Variants in CNKSR2 observed in about 807,000 individuals in gnomAD.
CNKSR2 encodes the protein connector enhancer of kinase suppressor of Ras 2, also known as CNK homolog protein 2.
A neutral mutation model predicts 84.4 loss-of-function variants in CNKSR2; 14 were observed. The observed-to-expected ratio is 0.17, with a 90% CI of 0.11 to 0.26. CNKSR2 has a LOEUF of 0.26. Ranked by LOEUF, CNKSR2 falls within the 10% of genes least tolerant of loss-of-function variation. The pLI is 1.00. For missense variants in CNKSR2, 485 were observed against 771.2 expected (o/e 0.63, Z 4.40); for synonymous variants, 275 against 277.9 (o/e 0.99, Z 0.10).
chrX:21,537,163 A>G (rs1368502675), intron 11 of CNKSR2, among the ~76,000 whole-genome samples: 2 of 111,184 alleles, frequency 1.8e-5, no homozygotes, highest in Admixed American at 1.9e-4. Flanking sequence ...TAACTTCCAT[A>G]TAATCGTACA....
In CNKSR2 at chrX:21,490,696, A is replaced by AT. The variant is rs953087740; in HGVS notation, c.681+125dup. ...TTCAACAGACACTGAACATTTTGGT[A>AT]TTTTTTTCCTGGAGGAGTTATGGTA... On this transcript the variant is annotated intron_variant, in intron 6 of 21. Coordinates refer to ENST00000379510, the MANE Select transcript of CNKSR2 (RefSeq NM_014927.5). The AT allele has an allele frequency of 9.4e-5, 73 of 776,539 alleles. 1 individual carries two copies. The highest frequency in any genetic ancestry group is 8.4e-4 in the South Asian group (18 of 21,423). 64.0% of individuals were successfully genotyped at this position (776,539 alleles called of 1,213,427 possible).
chrX:21,399,312 C>G (rs764783889), intron 1 of CNKSR2, among the ~76,000 whole-genome samples: 16 of 110,975 alleles, frequency 1.4e-4, no homozygotes, highest in Admixed American at 9.6e-5. Flanking sequence ...AATCCAATGG[C>G]TACTTTCTGA....
At chrX:21,651,834 C>T (rs1206575321) in intron 21 of CNKSR2, among the ~76,000 whole-genome samples, 1 of 111,941 alleles carries the variant, frequency 8.9e-6, no homozygotes, top group Non-Finnish European at 1.9e-5. Context: ...TTTGTGGTAA[C>T]AGGGGGGCCA....
rs1436648172 is a variant in CNKSR2 at position 21,591,146 on chromosome X, T to C, written c.1782T>C (p.Tyr594=). ...ACTTTTCACAGAAATGGAAAAAATA[T>C]TGGTTTGTCCTAAAGGATGCATCCC... is the stretch of plus-strand genomic sequence containing the variant. ...KSYFSQKWKK[Y]WFVLKDASLY... Residue 594 remains tyrosine, a synonymous_variant, in exon 15 of 22, where the codon TAT becomes TAC. Transcript: ENST00000379510. The C allele has an allele frequency of 3.3e-6, 4 of 1,207,740 alleles. No individual in the cohort carries two copies. Among genetic ancestry groups the C allele is most frequent in the South Asian group, 3.5e-5 (2 of 56,653 alleles).
chrX:21,555,928 C>T (rs747180341), intron 11 of CNKSR2, among the ~76,000 whole-genome samples: 1 of 110,701 alleles, frequency 9.0e-6, no homozygotes, highest in East Asian at 2.8e-4. Context: ...AGTGGTGTTT[C>T]AACAGACAAC....
intron 8 of CNKSR2, among the ~76,000 whole-genome samples, chrX:21,513,429 G>T (rs1264293589): frequency 8.9e-6 from 1 of 112,145 alleles, no homozygotes; most frequent in Non-Finnish European, 1.9e-5. Flanking sequence ...GGAATGTATT[G>T]TGACTGAAAG....
At chrX:21,628,679 G>T (rs919807978) in intron 20 of CNKSR2, among the ~76,000 whole-genome samples, 1 of 111,185 alleles carries the variant, frequency 9.0e-6, no homozygotes, top group Non-Finnish European at 1.9e-5. Context: ...TGGAGTGGCT[G>T]GGACACAGGG....
chrX:21,381,726 G>A (rs987502326), intron 1 of CNKSR2, among the ~76,000 whole-genome samples: 7 of 111,996 alleles, frequency 6.3e-5, no homozygotes, highest in African/African-American at 2.3e-4. Flanking sequence ...CTGCCTCACC[G>A]TCCTTCCTGT....
At chrX:21,573,766 G>A (rs2092300451) in intron 13 of CNKSR2, among the ~76,000 whole-genome samples, 1 of 111,522 alleles carries the variant, frequency 9.0e-6, no homozygotes, top group African/African-American at 3.3e-5. Flanking sequence ...CTCCCAGCTT[G>A]TGACATGAGG....
At chrX:21,429,667 G>T (rs974729573) in intron 2 of CNKSR2, 1 of 111,464 alleles carries the variant, frequency 9.0e-6, no homozygotes, top group Non-Finnish European at 1.9e-5. Context: ...GGAGCCTGAG[G>T]AGGGCAGATC....
chrX:21,504,095 A>G (rs1358623061), intron 8 of CNKSR2: 1 of 111,077 alleles, frequency 9.0e-6, no homozygotes, highest in Non-Finnish European at 1.9e-5. Context: ...GGCAAAACCA[A>G]TGCATTTCAC....
chrX:21,525,346 A>T (rs2091824965), intron 9 of CNKSR2, among the ~76,000 whole-genome samples: 1 of 111,489 alleles, frequency 9.0e-6, no homozygotes, highest in South Asian at 3.6e-4. Context: ...ATAGTAAAAC[A>T]TAATCTTTAC....
intron 20 of CNKSR2, among the ~76,000 whole-genome samples, chrX:21,632,567 G>T (rs976240321): frequency 8.9e-6 from 1 of 111,934 alleles, no homozygotes; most frequent in African/African-American, 3.2e-5. Context: ...TATTCATGGT[G>T]TGTACTCTGC....
At chrX:21,411,212 A>G (rs898442135) in intron 1 of CNKSR2, among the ~76,000 whole-genome samples, 1 of 110,973 alleles carries the variant, frequency 9.0e-6, no homozygotes, top group Non-Finnish European at 1.9e-5. Flanking sequence ...TTGATTTTGA[A>G]TTCTTTTTCA....
At chrX:21,435,086 G>A (rs1282993592) in intron 3 of CNKSR2, among the ~76,000 whole-genome samples, 1 of 108,233 alleles carries the variant, frequency 9.2e-6, no homozygotes, top group East Asian at 2.9e-4. Flanking sequence ...TTTGAGGAAG[G>A]GATATGGCAT....
intron 1 of CNKSR2, among the ~76,000 whole-genome samples, chrX:21,411,455 C>T (rs996521289): frequency 9.0e-6 from 1 of 111,400 alleles, no homozygotes. Flanking sequence ...CTTTCTGCGG[C>T]AAAAGGCAAA....
rs759469021 is a variant in CNKSR2, at chrX:21,490,629, T to C, written c.681+51T>C. 34 of 1,126,391 alleles carry C rather than the reference T, an allele frequency of 3.0e-5. No individual in the cohort carries two copies. The Admixed American group carries it at 8.0e-4, about 26-fold the overall frequency. 92.8% of individuals were successfully genotyped at this position (1,126,391 alleles called of 1,213,427 possible). On this transcript the variant is annotated intron_variant, in intron 6 of 21. Transcript: ENST00000379510. ...CCACCATCCATCAGTAGAGAGCTAA[T>C]GATGTGGACAAAGCAGCCTCTGAAT... is the stretch of plus-strand genomic sequence containing the variant.
intron 9 of CNKSR2, among the ~76,000 whole-genome samples, chrX:21,522,684 A>G (rs183324870): frequency 3.6e-5 from 4 of 110,830 alleles, no homozygotes; most frequent in Admixed American, 9.6e-5. Context: ...TGGGGCGCAC[A>G]AAGAAAAGAC....
chrX:21,459,642 T>G (rs2091037537), intron 4 of CNKSR2, among the ~76,000 whole-genome samples: 1 of 111,041 alleles, frequency 9.0e-6, no homozygotes, highest in African/African-American at 3.3e-5. Context: ...TTACATCAGC[T>G]GAGTTATATA....
Sources: gnomAD v4.1 joint callset for allele counts (sites outside exome capture counted in the v4.1 genomes callset) on GRCh38, gnomAD v4.1.1 for gene constraint, MANE v1.5 for transcripts, NCBI Gene and HGNC (gene_info 2026-07-23, HGNC 2026-07-21) for gene names.